SRGAP3: variants seen among roughly 807,000 people sequenced by gnomAD.
SRGAP3 encodes SLIT-ROBO Rho GTPase-activating protein 3.
SRGAP3 carries 39 observed loss-of-function variants against 121.1 expected under a neutral mutation model. The observed-to-expected ratio is 0.32, with a 90% CI of 0.25 to 0.42. The LOEUF (loss-of-function observed/expected upper bound fraction) is 0.42, where lower values mean the gene tolerates loss of function less well. SRGAP3 is among the 10% of genes least tolerant of loss of function. The pLI is 1.00. For synonymous variants in SRGAP3, 601 were observed against 570.0 expected, an observed-to-expected ratio of 1.05 and a Z score of -0.77; for missense variants, 1,213 against 1,470.6, an observed-to-expected ratio of 0.82 and a Z score of 2.86.
chr3:9,057,130 T>C (rs1945863848), intron 7 of SRGAP3, among the ~76,000 whole-genome samples: 1 of 151,622 alleles, frequency 6.6e-6, no homozygotes, highest in Non-Finnish European at 1.5e-5. Context: ...GGTTTCACCA[T>C]GTTGGCCAGG....
chr3:9,249,731 T>C, upstream of SRGAP3: 1 of 225,476 alleles, frequency 4.4e-6, no homozygotes. Context: ...AACTGACACA[T>C]TGTAGCCTAC....
In SRGAP3 at chr3:9,032,736, G is replaced by A. The variant is rs376576758; in HGVS notation, c.1453C>T (p.Pro485Ser). Residue 485 changes from proline to serine, a missense_variant, in exon 12 of 22, where the codon CCT (proline) becomes TCT (serine). By Grantham distance (74) the Pro-to-Ser change is moderately conservative (BLOSUM62 -1). This residue lies in a region of SRGAP3 where 793 missense variants were observed against 1,032.9 expected (regional missense o/e 0.77). Transcript: ENST00000383836. Reference sequence around the variant, plus strand: ...GGTCTCCTCATTTTCTGTGGTTTAGGGGGAAGACAGGGGGGCCTAGGGGAA... The same window carrying A: ...GGTCTCCTCATTTTCTGTGGTTTAGAGGGAAGACAGGGGGGCCTAGGGGAA... ...CGTTRPPCLPPKPQKMRRPRP... is the reference protein window; with the variant it reads ...CGTTRPPCLPSKPQKMRRPRP... 71 of 1,613,120 alleles carry A rather than the reference G, an allele frequency of 4.4e-5. No homozygotes were observed. The highest frequency in any genetic ancestry group is 1.6e-4 in the Middle Eastern group (1 of 6,080).
chr3:9,038,109 A>G lies in SRGAP3; in HGVS notation c.1409-19T>C, dbSNP rs752395310. ...CTTTCCCCTGCAAAGAAAAGTATAC[A>G]TGAATGTTTAATTGCCTTTTCTTTT... On this transcript the variant is annotated intron_variant, in intron 10 of 21. Transcript: ENST00000383836. The G allele has an allele frequency of 2.2e-5, 35 of 1,614,028 alleles. No homozygotes were observed. The highest frequency in any genetic ancestry group is 5.5e-5 in the South Asian group (5 of 91,086).
intron 1 of SRGAP3, chr3:9,217,528 A>T (rs1372042356): frequency 6.6e-6 from 1 of 152,286 alleles, no homozygotes; most frequent in South Asian, 2.1e-4. Flanking sequence ...AGGGTGGCCA[A>T]CTTTTCAAAG....
chr3:9,322,882 G>A (rs925505912), intron 3 of SRGAP3, among the ~76,000 whole-genome samples: 4 of 151,814 alleles, frequency 2.6e-5, no homozygotes, highest in Admixed American at 6.5e-5. Flanking sequence ...ACACCTGTAC[G>A]TGAATGTTTC....
At chr3:9,230,431 G>A (rs1953160065) in intron 1 of SRGAP3, among the ~76,000 whole-genome samples, 1 of 152,210 alleles carries the variant, frequency 6.6e-6, no homozygotes, top group African/African-American at 2.4e-5. Context: ...ACAGGAGACA[G>A]CCTTTTGGCA....
chr3:9,013,251 T>C, intron 17 of SRGAP3, 57 bp downstream of exon 17: 1 of 1,539,190 alleles, frequency 6.5e-7, no homozygotes, highest in Non-Finnish European at 8.9e-7. Flanking sequence ...TTATTGTTCC[T>C]ATTCAATGGC....
chr3:9,137,897 T>G (rs1486211905), intron 1 of SRGAP3, among the ~76,000 whole-genome samples: 1 of 152,236 alleles, frequency 6.6e-6, no homozygotes, highest in Non-Finnish European at 1.5e-5. Context: ...CGCCTCCTCC[T>G]ACCAGAGACT....
Position 9,249,591 on chromosome 3 carries a change from G to A in SRGAP3, c.-640C>T, listed in dbSNP as rs980489471. On this transcript the variant is annotated 5_prime_UTR_variant, in exon 1 of 22. Transcript: ENST00000383836. ...CAGTGAGGATCAAAGCCAGGAGAGC[G>A]AGATGGAAGTTTTCCTGCTGCAACG... The A allele has an allele frequency of 1.3e-5, 3 of 236,816 alleles. No homozygotes were observed. Among genetic ancestry groups the A allele is most frequent in the African/African-American group, 6.6e-5 (3 of 45,342 alleles). The allele number at this position is 236,816 out of a possible 1,614,324, so 14.7% of individuals were successfully genotyped here.
intron 1 of SRGAP3, among the ~76,000 whole-genome samples, chr3:9,175,346 G>A (rs544155650): frequency 7.8e-4 from 119 of 152,290 alleles, no homozygotes; most frequent in Non-Finnish European, 1.0e-3. Flanking sequence ...GGTGTCCTAC[G>A]AAAAGAGAGC....
intron 3 of SRGAP3, among the ~76,000 whole-genome samples, chr3:9,088,910 G>T (rs1172762497): frequency 2.0e-5 from 3 of 152,086 alleles, no homozygotes; most frequent in East Asian, 1.9e-4. Flanking sequence ...ACAGTGCCCA[G>T]CTTCTCCCTC....
chr3:9,030,153 AAATGAATG>A (rs149686122), intron 12 of SRGAP3, among the ~76,000 whole-genome samples: 16,054 of 148,192 alleles, frequency 0.11, 1,249 homozygotes, highest in East Asian at 0.27. Context: ...CTGCCTCAAT[AAATGAATG>A]AATGAATGAA....
intron 1 of SRGAP3, among the ~76,000 whole-genome samples, chr3:9,151,253 G>C (rs971414186): frequency 6.6e-6 from 1 of 152,160 alleles, no homozygotes; most frequent in Non-Finnish European, 1.5e-5. Context: ...GAGAATGGGG[G>C]AAGAGCATAC....
At chr3:9,356,112 C>T (rs1236165457) in intron 1 of SRGAP3, among the ~76,000 whole-genome samples, 2 of 151,726 alleles carry the variant, frequency 1.3e-5, no homozygotes, top group African/African-American at 4.9e-5. Context: ...ATTCAAACCA[C>T]AGTAACATAC....
At position 9,075,217 on chromosome 3, in the gene SRGAP3, AC is replaced by A. The variant is rs564351145; in HGVS notation, c.486+4807del. ...CTCCCAGGCCAATACATGAACAAGAACTATATTGTGTTGGGCTGATGGGAGT... is the reference window on the plus strand; with the variant it reads ...CTCCCAGGCCAATACATGAACAAGAATATATTGTGTTGGGCTGATGGGAGT... On this transcript the variant is annotated intron_variant, in intron 4 of 21. Coordinates refer to ENST00000383836, the MANE Select transcript of SRGAP3 (RefSeq NM_014850.4). Among the ~76,000 whole-genome samples the A allele has an allele frequency of 6.6e-5, 10 of 152,142 alleles. No individual in the cohort carries two copies. In the South Asian group the frequency reaches 1.7e-3, roughly 25 times the overall value.
Position 9,218,851 on chromosome 3 carries a change from T to G in SRGAP3, c.67+30034A>C, listed in dbSNP as rs1373456186. On this transcript the variant is annotated intron_variant, in intron 1 of 21. Transcript: ENST00000383836. This position sits in a 1 kb window ranked among gnomAD's most constrained non-coding sequence, Gnocchi z 5.3. Reference sequence around the variant, plus strand: ...CCACACCTGGCTAATTTTTGTATTTTTAGTAGAGATGGGGTTTCACCATGT... The same window carrying G: ...CCACACCTGGCTAATTTTTGTATTTGTAGTAGAGATGGGGTTTCACCATGT... Among the ~76,000 whole-genome samples, 1 of 151,798 alleles carries G rather than the reference T, an allele frequency of 6.6e-6. No individual in the cohort carries two copies. The highest frequency in any genetic ancestry group is 2.4e-5 in the African/African-American group (1 of 41,316).
intron 1 of SRGAP3, among the ~76,000 whole-genome samples, chr3:9,144,200 C>T (rs555399755): frequency 1.3e-5 from 2 of 152,364 alleles, no homozygotes; most frequent in East Asian, 3.9e-4. Context: ...AAGACCAAAA[C>T]CTTAATGTGC....
chr3:9,342,225 C>A (rs1036357164), intron 1 of SRGAP3, among the ~76,000 whole-genome samples: 23 of 152,014 alleles, frequency 1.5e-4, no homozygotes, highest in African/African-American at 5.6e-4. Context: ...GTGGCGCATG[C>A]CTATAGTCCC....
intron 3 of SRGAP3, among the ~76,000 whole-genome samples, chr3:9,268,969 C>T (rs1431569447): frequency 6.6e-6 from 1 of 152,158 alleles, no homozygotes; most frequent in Non-Finnish European, 1.5e-5. Context: ...CAAAACCTTG[C>T]CTGCTCCAGG....
Sources: allele counts gnomAD v4.1 joint callset (sites outside exome capture counted in the v4.1 genomes callset), GRCh38; gene constraint gnomAD v4.1.1; regional missense constraint gnomAD v4.1.1; non-coding constraint Gnocchi (gnomAD v3.1); transcripts MANE v1.5; gene names NCBI Gene and HGNC (gene_info 2026-07-23, HGNC 2026-07-21).